The following NRXN1 variants were observed in gnomAD, a reference collection of about 807,000 sequenced individuals.
NRXN1 encodes the protein neurexin-1.
In NRXN1, 39 loss-of-function variants were observed where a neutral mutation model predicts 150.9. The ratio of observed to expected loss-of-function variants is 0.26; its 90% confidence interval spans 0.20 to 0.34. The LOEUF (loss-of-function observed/expected upper bound fraction) is 0.34. Among genes scored for constraint, NRXN1 ranks in the 10% least tolerant of loss-of-function variants. The pLI, the probability that NRXN1 is intolerant of heterozygous loss-of-function variation, is 1.00. For missense variants in NRXN1, 1,815 were observed against 1,949.9 expected, an observed-to-expected ratio of 0.93 and a Z score of 1.30; for synonymous variants, 924 against 757.0, an observed-to-expected ratio of 1.22 and a Z score of -3.62.
intron 17 of NRXN1, among the ~76,000 whole-genome samples, chr2:50,439,535 G>A (rs960949274): frequency 2.0e-5 from 3 of 152,120 alleles, no homozygotes; most frequent in South Asian, 2.1e-4. Context: ...GGCCGGGCGC[G>A]GTGGCTCACG....
intron 21 of NRXN1, among the ~76,000 whole-genome samples, chr2:49,974,452 A>G (rs756439438): frequency 5.9e-5 from 9 of 152,192 alleles, no homozygotes; most frequent in Non-Finnish European, 8.8e-5. Context: ...TCTGTATATT[A>G]CATTCAAATC....
At chr2:50,298,822 T>G (rs1159313352) in intron 17 of NRXN1, among the ~76,000 whole-genome samples, 1 of 152,198 alleles carries the variant, frequency 6.6e-6, no homozygotes, top group Non-Finnish European at 1.5e-5. Flanking sequence ...CTTGCAAGAT[T>G]CTTAAAACAG....
intron 5 of NRXN1, among the ~76,000 whole-genome samples, chr2:50,889,865 T>C (rs1021155569): frequency 3.3e-5 from 5 of 151,778 alleles, no homozygotes; most frequent in African/African-American, 1.2e-4. Flanking sequence ...TAGACTATCA[T>C]ACCAGGTTAT....
At chr2:50,648,065 T>C (rs1418146406) in intron 5 of NRXN1, among the ~76,000 whole-genome samples, 2 of 152,006 alleles carry the variant, frequency 1.3e-5, no homozygotes, top group African/African-American at 4.8e-5. Context: ...AAGTTAATAA[T>C]ATTAAATAAT....
At chr2:50,649,838 C>A (rs1685350887) in intron 5 of NRXN1, among the ~76,000 whole-genome samples, 1 of 151,942 alleles carries the variant, frequency 6.6e-6, no homozygotes, top group Non-Finnish European at 1.5e-5. Context: ...GGCTGATTTG[C>A]TTGAGGAATG....
At chr2:50,258,295 C>T (rs1237923459) in intron 17 of NRXN1, among the ~76,000 whole-genome samples, 1 of 152,062 alleles carries the variant, frequency 6.6e-6, no homozygotes, top group Non-Finnish European at 1.5e-5. Flanking sequence ...GCTGCTTTTT[C>T]AACTAAGTTT....
At chr2:50,855,180 T>G (rs1293242360) in intron 5 of NRXN1, among the ~76,000 whole-genome samples, 1 of 151,956 alleles carries the variant, frequency 6.6e-6, no homozygotes, top group Non-Finnish European at 1.5e-5. Context: ...TATTACTTTA[T>G]TTATTACTTC....
intron 21 of NRXN1, among the ~76,000 whole-genome samples, chr2:50,014,107 T>G (rs539683741): frequency 5.2e-4 from 79 of 150,724 alleles, no homozygotes; most frequent in Admixed American, 3.9e-3. Flanking sequence ...TTTTTTTTTG[T>G]TTTTGTTTTT....
At chr2:50,184,215 C>T (rs2060921770) in intron 18 of NRXN1, among the ~76,000 whole-genome samples, 1 of 151,944 alleles carries the variant, frequency 6.6e-6, no homozygotes, top group South Asian at 2.1e-4. Context: ...CTTGACAATA[C>T]TAATAAGCAA....
chr2:50,472,594 C>G (rs2089605240), intron 15 of NRXN1, 123 bp from the exon 16 acceptor site: 1 of 703,484 alleles, frequency 1.4e-6, no homozygotes, highest in Non-Finnish European at 2.2e-6. Flanking sequence ...TAATTTATGA[C>G]TAGCTGTTTT....
chr2:50,453,197 T>A (rs1295788793), intron 17 of NRXN1, among the ~76,000 whole-genome samples: 1 of 151,782 alleles, frequency 6.6e-6, no homozygotes, highest in Non-Finnish European at 1.5e-5. Flanking sequence ...TAATAGTCCT[T>A]CAATGTAAGG....
At chr2:50,399,722 C>T in intron 17 of NRXN1, among the ~76,000 whole-genome samples, 1 of 123,004 alleles carries the variant, frequency 8.1e-6, no homozygotes, top group South Asian at 2.8e-4. Flanking sequence ...TTTGAAAAAC[C>T]TTGTTCAGTA....
rs865956838 is a variant in NRXN1 at position 49,956,822 on chromosome 2, T to C, written c.4129-13031A>G. ...ACAAGGAAGGTGCCCTGTATATAACTGTTGATTTAATTTGAGATATCATGA... is the reference window on the plus strand; with the variant it reads ...ACAAGGAAGGTGCCCTGTATATAACCGTTGATTTAATTTGAGATATCATGA... On this transcript the variant is annotated intron_variant, in intron 21 of 22. Transcript: ENST00000401669. Among the ~76,000 whole-genome samples, 18 of 152,292 alleles carry C rather than the reference T, an allele frequency of 1.2e-4. No individual in the cohort carries two copies. In the South Asian group the frequency reaches 1.7e-3, roughly 14 times the overall value.
At chr2:49,978,116 T>G (rs901888340) in intron 21 of NRXN1, among the ~76,000 whole-genome samples, 3 of 151,900 alleles carry the variant, frequency 2.0e-5, no homozygotes, top group Non-Finnish European at 4.4e-5. Flanking sequence ...GAGCTGAGAT[T>G]GCACCACCGC....
rs72838787 is a variant in NRXN1, at chr2:50,857,972, T to C, written c.832+63897A>G. Among the ~76,000 whole-genome samples the C allele has an allele frequency of 8.5e-3, 1,291 of 152,214 alleles. 8 individuals are homozygous for C. The highest frequency in any genetic ancestry group is 0.022 in the South Asian group (106 of 4,830). The stretch of plus-strand genomic sequence containing the variant: ...TCTTTTTTTGTTACACCTTTACATG[T>C]GCTTTCAGGTGTTTTGGTTACAGCT... On this transcript the variant is annotated intron_variant, in intron 5 of 22. Coordinates refer to ENST00000401669, the MANE Select transcript of NRXN1 (RefSeq NM_001330078.2).
intron 17 of NRXN1, among the ~76,000 whole-genome samples, chr2:50,398,838 A>T (rs1179693779): frequency 6.6e-6 from 1 of 152,138 alleles, no homozygotes; most frequent in African/African-American, 2.4e-5. Flanking sequence ...GTGGTATGCT[A>T]TTTAATTATC....
intron 18 of NRXN1, among the ~76,000 whole-genome samples, chr2:50,200,528 A>T (rs2062084547): frequency 6.6e-6 from 1 of 152,292 alleles, no homozygotes; most frequent in African/African-American, 2.4e-5. Context: ...ACAAGGCTGC[A>T]GATAGCGACA....
chr2:50,086,478 A>G (rs1698788316), intron 19 of NRXN1, among the ~76,000 whole-genome samples: 1 of 152,120 alleles, frequency 6.6e-6, no homozygotes, highest in Non-Finnish European at 1.5e-5. Flanking sequence ...GTCTTAGAGC[A>G]TTTCTCTCTT....
chr2:50,434,283 C>T (rs577166374), intron 17 of NRXN1, among the ~76,000 whole-genome samples: 65 of 151,770 alleles, frequency 4.3e-4, no homozygotes, highest in African/African-American at 1.1e-3. Flanking sequence ...AGGGTTTCAC[C>T]GTGTTGGCCA....
Sources: allele counts gnomAD v4.1 joint callset (sites outside exome capture counted in the v4.1 genomes callset), GRCh38; gene constraint gnomAD v4.1.1; transcripts MANE v1.5; gene names NCBI Gene and HGNC (gene_info 2026-07-23, HGNC 2026-07-21).